Variants in GAS2 observed in about 807,000 individuals in gnomAD.
GAS2 encodes growth arrest specific 2, also known as growth arrest-specific protein 2.
A neutral mutation model predicts 37.5 loss-of-function variants in GAS2; 20 were observed. That is an observed-to-expected ratio of 0.53 (90% CI 0.37 to 0.77). The LOEUF (loss-of-function observed/expected upper bound fraction) is 0.77. GAS2 is among the 30% of genes least tolerant of loss of function. The pLI is 0.00. For missense variants in GAS2, 336 were observed against 373.4 expected (o/e 0.90, Z 0.82); for synonymous variants, 144 against 132.2 (o/e 1.09, Z -0.61).
At chr11:22,793,873 T>A (rs951676073) in intron 7 of GAS2, among the ~76,000 whole-genome samples, 1 of 152,124 alleles carries the variant, frequency 6.6e-6, no homozygotes, top group African/African-American at 2.4e-5. Context: ...AACCATAAAG[T>A]ACAATTAAAA....
Position 22,651,223 on chromosome 11 carries a change from C to A in GAS2, c.-20-23627C>A, listed in dbSNP as rs1035178498. ...GAAATTCTGGGTTGAAAATTCTTTT[C>A]TTTAAGAATGTTGAATATTGGCCCC... On this transcript the variant is annotated intron_variant, in intron 1 of 5. Coordinates refer to the GAS2 transcript ENST00000528582. Among the ~76,000 whole-genome samples the A allele has an allele frequency of 2.0e-5, 3 of 152,120 alleles. 1 individual carries two copies. Among genetic ancestry groups the A allele is most frequent in the African/African-American group, 4.8e-5 (2 of 41,426 alleles).
intron 7 of GAS2, among the ~76,000 whole-genome samples, chr11:22,807,015 C>T (rs1856933035): frequency 3.3e-5 from 5 of 151,898 alleles, no homozygotes; most frequent in Admixed American, 3.3e-4. Flanking sequence ...TGCTTACACC[C>T]TTGTCAAATA....
At chr11:22,708,289 T>A (rs1851224834) in intron 3 of GAS2, among the ~76,000 whole-genome samples, 1 of 152,188 alleles carries the variant, frequency 6.6e-6, no homozygotes, top group Non-Finnish European at 1.5e-5. Flanking sequence ...GTGTTTATGT[T>A]TTTTAGTGAT....
chr11:22,756,412 T>C (rs754932888), intron 7 of GAS2, among the ~76,000 whole-genome samples: 1 of 152,182 alleles, frequency 6.6e-6, no homozygotes, highest in Non-Finnish European at 1.5e-5. Flanking sequence ...GAACAGAGGT[T>C]GTGATGTTTT....
chr11:22,707,138 G>T (rs899475334), intron 3 of GAS2, among the ~76,000 whole-genome samples: 4 of 152,180 alleles, frequency 2.6e-5, no homozygotes, highest in South Asian at 2.1e-4. Context: ...AAATTGTATA[G>T]AATGGGTAAG....
intron 1 of GAS2, among the ~76,000 whole-genome samples, chr11:22,639,694 TA>T (rs911099182): frequency 1.3e-5 from 2 of 152,178 alleles, no homozygotes; most frequent in African/African-American, 4.8e-5. Context: ...TACTAAATCT[TA>T]AAAAATATTA....
chr11:22,704,170 C>A (rs1419736276), intron 3 of GAS2, among the ~76,000 whole-genome samples: 1 of 152,046 alleles, frequency 6.6e-6, no homozygotes, highest in East Asian at 1.9e-4. Flanking sequence ...GTCATGGATT[C>A]TTTCTTCTAG....
chr11:22,651,369 A>ATTAT (rs1171262203), intron 1 of GAS2, among the ~76,000 whole-genome samples: 1 of 152,052 alleles, frequency 6.6e-6, no homozygotes, highest in East Asian at 1.9e-4. Flanking sequence ...CTTCATTTCA[A>ATTAT]GTTTGGTGAA....
intron 1 of GAS2, among the ~76,000 whole-genome samples, chr11:22,648,550 C>G (rs1478562443): frequency 1.3e-5 from 2 of 152,268 alleles, no homozygotes; most frequent in South Asian, 2.1e-4. Flanking sequence ...TTCTTCCTAC[C>G]CATGAGCATG....
rs1184634987 is a variant in GAS2 at position 22,812,578 on chromosome 11, G to C, written c.*562G>C. 6.5e-6 allele frequency: 1 copy of C among 153,002 alleles called. No homozygotes were observed. The highest frequency in any genetic ancestry group is 6.5e-5 in the Admixed American group (1 of 15,320). The allele number at this position is 153,002 out of a possible 1,614,324, so 9.5% of individuals were successfully genotyped here. The stretch of plus-strand genomic sequence containing the variant: ...CGAAAAGTTTACATTCACTTGGAAG[G>C]CTGCCTTAAAGTATATCTCTTATCT... On this transcript the variant is annotated 3_prime_UTR_variant, in exon 8 of 8. Transcript: ENST00000454584.
In GAS2 at chr11:22,812,796, T is replaced by C. The variant is rs1273078458; in HGVS notation, c.*780T>C. 8 of 152,636 alleles carry C rather than the reference T, an allele frequency of 5.2e-5. No individual in the cohort carries two copies. The highest frequency in any genetic ancestry group is 1.2e-4 in the Non-Finnish European group (8 of 68,022). The allele number at this position is 152,636 out of a possible 1,614,324, so 9.5% of individuals were successfully genotyped here. On this transcript the variant is annotated 3_prime_UTR_variant, in exon 8 of 8. Transcript: ENST00000454584. ...TCAAATGTTCATTGATTTCATGTTA[T>C]TTCAAAGCATTTTCTTATTAAAAAT...
intron 2 of GAS2, 71 bp from the exon 3 acceptor site, chr11:22,685,597 G>A (rs1316897993): frequency 1.3e-6 from 2 of 1,503,892 alleles, no homozygotes; most frequent in African/African-American, 1.4e-5. Context: ...ATAAAACTGT[G>A]TCAAATATTT....
At chr11:22,663,977 T>C (rs563640799), upstream of GAS2, among the ~76,000 whole-genome samples, 3 of 152,274 alleles carry the variant, frequency 2.0e-5, no homozygotes, top group Non-Finnish European at 4.4e-5. Context: ...AAGTAAATGA[T>C]TTAAGTTATT....
intron 4 of GAS2, chr11:22,731,433 ATTTG>A (rs1852470946): frequency 2.6e-6 from 1 of 387,258 alleles, no homozygotes; most frequent in Non-Finnish European, 5.1e-6. Flanking sequence ...AATGTGTGTG[ATTTG>A]TTTGAGTATA....
chr11:22,776,361 G>A (rs1564883725), intron 7 of GAS2, among the ~76,000 whole-genome samples: 1 of 152,036 alleles, frequency 6.6e-6, no homozygotes, highest in South Asian at 2.1e-4. Context: ...AAATAGGTAT[G>A]GGCCAGATTT....
intron 7 of GAS2, among the ~76,000 whole-genome samples, chr11:22,806,742 C>T (rs1487193880): frequency 6.6e-6 from 1 of 152,312 alleles, no homozygotes; most frequent in South Asian, 2.1e-4. Context: ...GCAAGAATAA[C>T]TCAGAATTGA....
intron 7 of GAS2, among the ~76,000 whole-genome samples, chr11:22,772,626 G>C (rs1855040553): frequency 6.6e-6 from 1 of 152,118 alleles, no homozygotes; most frequent in African/African-American, 2.4e-5. Flanking sequence ...TGGAGTTTGT[G>C]TGATAGTTTT....
intron 1 of GAS2, among the ~76,000 whole-genome samples, chr11:22,652,732 T>C (rs1287168894): frequency 6.6e-6 from 1 of 152,240 alleles, no homozygotes; most frequent in African/African-American, 2.4e-5. Context: ...GGGAACTCCC[T>C]GACCCCTTGC....
intron 2 of GAS2, among the ~76,000 whole-genome samples, chr11:22,676,424 G>T (rs10734318): frequency 0.62 from 94,818 of 151,726 alleles, 30,808 homozygotes; most frequent in East Asian, 0.83. Flanking sequence ...TATGGTAGTG[G>T]AAAATAAAAG....
Sources: allele counts gnomAD v4.1 joint callset (sites outside exome capture counted in the v4.1 genomes callset), GRCh38; gene constraint gnomAD v4.1.1; transcripts MANE v1.5; gene names NCBI Gene and HGNC (gene_info 2026-07-23, HGNC 2026-07-21).